The following DRC11 variants were observed in gnomAD, a reference collection of about 807,000 sequenced individuals.
The protein encoded by DRC11 is IQ and AAA domain-containing protein 1.
the DRC11 span, among the ~76,000 whole-genome samples, chr2:236,359,846 A>G: frequency 4.8e-4 from 73 of 152,292 alleles, no homozygotes; most frequent in African/African-American, 1.7e-3. This position sits in a 1 kb window ranked among gnomAD's most constrained non-coding sequence, Gnocchi z 4.3. Flanking sequence ...TGGGTCTTTC[A>G]TTAATCAGTT....
chr2:236,335,414 C>T, the DRC11 span, among the ~76,000 whole-genome samples: 1 of 152,186 alleles, frequency 6.6e-6, no homozygotes, highest in African/African-American at 2.4e-5. This position sits in a 1 kb window ranked among gnomAD's most constrained non-coding sequence, Gnocchi z 5.6. Context: ...AGGAGCTGTG[C>T]TTCAGCGGAC....
the DRC11 span, among the ~76,000 whole-genome samples, chr2:236,411,813 G>A: frequency 6.9e-5 from 10 of 145,576 alleles, no homozygotes; most frequent in Admixed American, 5.5e-4. Flanking sequence ...ACCAAACACC[G>A]CATATTCTCA....
the DRC11 span, among the ~76,000 whole-genome samples, chr2:236,497,750 G>A: frequency 6.6e-6 from 1 of 152,118 alleles, no homozygotes; most frequent in Non-Finnish European, 1.5e-5. This position sits in a 1 kb window ranked among gnomAD's most constrained non-coding sequence, Gnocchi z 5.1. Flanking sequence ...TTCCTCACTT[G>A]GCCCATAAAG....
At chr2:236,505,018 G>A in the DRC11 span, among the ~76,000 whole-genome samples, 7 of 152,234 alleles carry the variant, frequency 4.6e-5, no homozygotes, top group Admixed American at 3.3e-4. Flanking sequence ...AACAACAGGT[G>A]TGAAAGTGTT....
the DRC11 span, among the ~76,000 whole-genome samples, chr2:236,406,561 C>T: frequency 1.3e-5 from 2 of 152,074 alleles, no homozygotes; most frequent in African/African-American, 4.8e-5. The surrounding 1 kb of genome is among the most constrained non-coding windows in gnomAD (Gnocchi z 4.7). Flanking sequence ...GGTCGACCAG[C>T]GATTTTGAAG....
chr2:236,366,482 A>C, the DRC11 span, among the ~76,000 whole-genome samples: 1 of 152,180 alleles, frequency 6.6e-6, no homozygotes, highest in South Asian at 2.1e-4. Flanking sequence ...TAACGTTTCT[A>C]TGCATTCCAA....
At chr2:236,350,196 G>A in the DRC11 span, among the ~76,000 whole-genome samples, 2 of 152,142 alleles carry the variant, frequency 1.3e-5, no homozygotes, top group South Asian at 2.1e-4. This position sits in a 1 kb window ranked among gnomAD's most constrained non-coding sequence, Gnocchi z 5.2. Context: ...TGAAAACGGC[G>A]GCTCCATTCT....
At chr2:236,476,075 T>C in the DRC11 span, among the ~76,000 whole-genome samples, 8 of 152,288 alleles carry the variant, frequency 5.3e-5, no homozygotes, top group Middle Eastern at 3.4e-3. The surrounding 1 kb of genome is among the most constrained non-coding windows in gnomAD (Gnocchi z 4.7). Flanking sequence ...TGTGGTTCTA[T>C]AGGAATTTTA....
the DRC11 span, among the ~76,000 whole-genome samples, chr2:236,381,509 T>C: frequency 0.068 from 10,278 of 151,618 alleles, 575 homozygotes; most frequent in African/African-American, 0.14. The surrounding 1 kb of genome is among the most constrained non-coding windows in gnomAD (Gnocchi z 5.8). Context: ...TATTAATTTC[T>C]GTTGTTTATA....
chr2:236,484,346 T>C, the DRC11 span, among the ~76,000 whole-genome samples: 1 of 152,238 alleles, frequency 6.6e-6, no homozygotes, highest in Admixed American at 6.5e-5. Flanking sequence ...ATTTTGAACA[T>C]GCATTTTATC....
chr2:236,343,615 C>T, the DRC11 span: 1 of 784,636 alleles, frequency 1.3e-6, no homozygotes, highest in South Asian at 1.4e-5. This position sits in a 1 kb window ranked among gnomAD's most constrained non-coding sequence, Gnocchi z 6.6. Context: ...AGGTGTGTGA[C>T]ACGTGAGACG....
the DRC11 span, among the ~76,000 whole-genome samples, chr2:236,445,632 G>A: frequency 4.1e-4 from 63 of 151,972 alleles, no homozygotes; most frequent in African/African-American, 1.3e-3. The surrounding 1 kb of genome is among the most constrained non-coding windows in gnomAD (Gnocchi z 4.8). Flanking sequence ...GAGCCACTCC[G>A]CCTGGGCTAT....
the DRC11 span, among the ~76,000 whole-genome samples, chr2:236,318,037 A>C: frequency 3.3e-5 from 5 of 152,166 alleles, no homozygotes; most frequent in Non-Finnish European, 7.3e-5. The surrounding 1 kb of genome is among the most constrained non-coding windows in gnomAD (Gnocchi z 7.0). Context: ...TGTGTCCTGG[A>C]AAGTTCATTA....
At chr2:236,491,189 TATA>T in the DRC11 span, among the ~76,000 whole-genome samples, 1 of 18,596 alleles carries the variant, frequency 5.4e-5, no homozygotes, top group Non-Finnish European at 9.2e-5. Context: ...ATACACACAG[TATA>T]TATATATATA....
the DRC11 span, among the ~76,000 whole-genome samples, chr2:236,323,430 C>T: frequency 7.9e-5 from 12 of 152,106 alleles, no homozygotes; most frequent in Non-Finnish European, 1.5e-4. The surrounding 1 kb of genome is among the most constrained non-coding windows in gnomAD (Gnocchi z 6.4). Flanking sequence ...GTAGTTTGTT[C>T]GAGGGGACAC....
the DRC11 span, chr2:236,503,593 G>C: frequency 1.3e-6 from 2 of 1,528,488 alleles, no homozygotes; most frequent in East Asian, 4.9e-5. This position sits in a 1 kb window ranked among gnomAD's most constrained non-coding sequence, Gnocchi z 4.9. Context: ...ACAGGAAAAT[G>C]AGCAGCTTTG....
At chr2:236,357,845 AATAT>A in the DRC11 span, among the ~76,000 whole-genome samples, 1 of 90,668 alleles carries the variant, frequency 1.1e-5, no homozygotes, top group African/African-American at 4.1e-5. Flanking sequence ...ATAAATATGT[AATAT>A]ATAAATATAT....
At chr2:236,343,699 T>C in the DRC11 span, 1 of 1,303,144 alleles carries the variant, frequency 7.7e-7, no homozygotes, top group Non-Finnish European at 1.0e-6. This position sits in a 1 kb window ranked among gnomAD's most constrained non-coding sequence, Gnocchi z 6.6. Flanking sequence ...CCATTTTGCA[T>C]ACCTACTTGT....
chr2:236,358,372 G>T, the DRC11 span, among the ~76,000 whole-genome samples: 1 of 130,536 alleles, frequency 7.7e-6, no homozygotes, highest in Non-Finnish European at 1.6e-5. Context: ...ATAATATATA[G>T]ATATATATTT....
Sources: allele counts gnomAD v4.1 joint callset (sites outside exome capture counted in the v4.1 genomes callset), GRCh38; gene constraint gnomAD v4.1.1; non-coding constraint Gnocchi (gnomAD v3.1); transcripts MANE v1.5; gene names NCBI Gene and HGNC (gene_info 2026-07-23, HGNC 2026-07-21).